Variants in GSE1 observed in about 807,000 individuals in gnomAD.
GSE1 encodes genetic suppressor element 1.
GSE1 carries 32 observed loss-of-function variants against 112.6 expected under a neutral mutation model. That is an observed-to-expected ratio of 0.28 (90% confidence interval 0.21 to 0.38). GSE1 has a LOEUF of 0.38. GSE1 is among the 10% of genes least tolerant of loss of function. The probability of loss-of-function intolerance (pLI) is 1.00; values close to 1 mark genes in which losing one functional copy is unlikely to be tolerated. For synonymous variants in GSE1, 1,115 were observed against 735.6 expected (o/e 1.52, Z -8.35); for missense variants, 2,348 against 1,699.2 (o/e 1.38, Z -6.71).
At chr16:85,611,020 C>T (rs996412067), upstream of GSE1, among the ~76,000 whole-genome samples, 5 of 152,236 alleles carry the variant, frequency 3.3e-5, no homozygotes, top group African/African-American at 1.2e-4. Flanking sequence ...CCACCTTCAC[C>T]CCTGGCCCAA....
chr16:85,601,157 C>T (rs1270211009), intron 1 of GSE1, among the ~76,000 whole-genome samples: 2 of 151,724 alleles, frequency 1.3e-5, no homozygotes, highest in Non-Finnish European at 2.9e-5. Context: ...TGGGGCTGGG[C>T]GAGTCTAGAG....
intron 11 of GSE1, among the ~76,000 whole-genome samples, chr16:85,663,823 C>T (rs1047853316): frequency 1.3e-5 from 2 of 152,244 alleles, no homozygotes; most frequent in Admixed American, 6.5e-5. Context: ...CTCTGAGAGC[C>T]CCACCATCTT....
intron 1 of GSE1, among the ~76,000 whole-genome samples, chr16:85,316,487 C>T (rs9934451): frequency 0.75 from 113,642 of 151,526 alleles, 42,811 homozygotes; most frequent in Middle Eastern, 0.89. Flanking sequence ...CGGGTGTCCT[C>T]TCTGCCCGGT....
intron 2 of GSE1, among the ~76,000 whole-genome samples, chr16:85,637,485 C>T (rs943550208): frequency 4.0e-5 from 6 of 151,046 alleles, no homozygotes; most frequent in African/African-American, 1.5e-4. Flanking sequence ...GCAGCAGTGG[C>T]TATGTATCGA....
At chr16:85,316,790 C>T (rs745362102) in intron 1 of GSE1, among the ~76,000 whole-genome samples, 1 of 152,196 alleles carries the variant, frequency 6.6e-6, no homozygotes, top group African/African-American at 2.4e-5. Context: ...TGGGAGCAGA[C>T]GTCTCCCTGT....
intron 1 of GSE1, among the ~76,000 whole-genome samples, chr16:85,341,198 C>CT (rs77139044): frequency 0.14 from 21,222 of 148,022 alleles, 1,813 homozygotes; most frequent in South Asian, 0.21. Flanking sequence ...CTGTTGTTTA[C>CT]TTTTTTTTTT....
intron 1 of GSE1, among the ~76,000 whole-genome samples, chr16:85,619,410 C>T (rs893462488): frequency 3.7e-5 from 5 of 134,392 alleles, no homozygotes; most frequent in Admixed American, 1.5e-4. Context: ...AGACAGCTTG[C>T]GAGTGGAGGC....
At chr16:85,219,005 G>T (rs560891516) in intron 1 of GSE1, among the ~76,000 whole-genome samples, 1 of 151,902 alleles carries the variant, frequency 6.6e-6, no homozygotes, top group African/African-American at 2.4e-5. Flanking sequence ...TCAGCCTCCC[G>T]AGTAGCTGGG....
chr16:85,352,517 G>A (rs1455575850), intron 1 of GSE1, among the ~76,000 whole-genome samples: 1 of 152,138 alleles, frequency 6.6e-6, no homozygotes, highest in Non-Finnish European at 1.5e-5. Context: ...AGGCACAATA[G>A]TACTTTAAAT....
At chr16:85,437,323 TTACATGTAAA>T (rs1193333111) in intron 2 of GSE1, among the ~76,000 whole-genome samples, 1 of 152,126 alleles carries the variant, frequency 6.6e-6, no homozygotes, top group Non-Finnish European at 1.5e-5. Context: ...GGAGGCCTTT[TTACATGTAAA>T]TAGAAGAACT....
At chr16:85,289,352 C>T (rs1448386930) in intron 1 of GSE1, among the ~76,000 whole-genome samples, 1 of 152,192 alleles carries the variant, frequency 6.6e-6, no homozygotes, top group Admixed American at 6.5e-5. Flanking sequence ...CAAGGACTCA[C>T]CTGTACTGTG....
chr16:85,383,329 C>G (rs1256576376), intron 2 of GSE1, among the ~76,000 whole-genome samples: 1 of 152,026 alleles, frequency 6.6e-6, no homozygotes, highest in Admixed American at 6.5e-5. Flanking sequence ...CCTCAGCACA[C>G]ACACACCGTG....
At chr16:85,665,639 C>T (rs1218496443) in intron 12 of GSE1, among the ~76,000 whole-genome samples, 1 of 152,218 alleles carries the variant, frequency 6.6e-6, no homozygotes, top group Non-Finnish European at 1.5e-5. Context: ...CAGAGGGAAT[C>T]TTTACAGTGC....
Position 85,579,647 on chromosome 16 carries a change from G to A in GSE1, c.37+23284G>A, listed in dbSNP as rs560122734. Among the ~76,000 whole-genome samples the A allele has an allele frequency of 7.2e-5, 11 of 152,254 alleles. No individual in the cohort carries two copies. In the East Asian group the frequency reaches 2.1e-3, roughly 29 times the overall value. Reference sequence around the variant, plus strand: ...GACCCATGAAGGGCTTGTGTTTTTGGTGCGGCCTCCCGTCTCTCTTCCTAG... The same window carrying A: ...GACCCATGAAGGGCTTGTGTTTTTGATGCGGCCTCCCGTCTCTCTTCCTAG... On this transcript the variant is annotated intron_variant, in intron 1 of 2. Transcript: ENST00000635906.
intron 2 of GSE1, among the ~76,000 whole-genome samples, chr16:85,516,884 G>A (rs2051963531): frequency 6.8e-6 from 1 of 147,518 alleles, no homozygotes; most frequent in East Asian, 2.0e-4. Flanking sequence ...TGCAAGCTCC[G>A]CCTCCCGGGT....
At chr16:85,622,045 C>T (rs941101503) in intron 1 of GSE1, among the ~76,000 whole-genome samples, 6 of 152,214 alleles carry the variant, frequency 3.9e-5, no homozygotes, top group African/African-American at 7.2e-5. Context: ...TCTGGAGGGG[C>T]GTGTGTGTGT....
intron 1 of GSE1, among the ~76,000 whole-genome samples, chr16:85,576,129 G>C (rs2046219567): frequency 6.6e-6 from 1 of 152,102 alleles, no homozygotes; most frequent in Non-Finnish European, 1.5e-5. Flanking sequence ...TCTCTCTCTG[G>C]GTAATAGTAT....
At chr16:85,187,152 C>A (rs2143393322) in intron 1 of GSE1, among the ~76,000 whole-genome samples, 1 of 152,320 alleles carries the variant, frequency 6.6e-6, no homozygotes, top group Non-Finnish European at 1.5e-5. Context: ...GACTCAGCTG[C>A]CTGGCAGGCT....
rs1206859053 is a variant in GSE1, at chr16:85,170,381, A to G, written c.857A>G (p.Glu286Gly). The change falls in exon 1 of 3, where the codon GAG (glutamate) becomes GGG (glycine). Residue 286 changes from glutamate to glycine, a missense_variant. By Grantham distance (98) the Glu-to-Gly change is moderately conservative (BLOSUM62 -2). Coordinates refer to the GSE1 transcript ENST00000637419. ...CCCTGGCAAGGCCCTCTTGTCCAAG[A>G]GGCCCCTGCAGACGGCATGAAAGGG... is the stretch of plus-strand genomic sequence containing the variant. 4.1e-6 allele frequency: 4 copies of G among 985,344 alleles called. No homozygotes were observed. The East Asian group carries it at 4.6e-4, about 112-fold the overall frequency. The allele number at this position is 985,344 out of a possible 1,614,324, so 61.0% of individuals were successfully genotyped here.
Sources: gnomAD v4.1 joint callset for allele counts (sites outside exome capture counted in the v4.1 genomes callset) on GRCh38, gnomAD v4.1.1 for gene constraint, MANE v1.5 for transcripts, NCBI Gene and HGNC (gene_info 2026-07-23, HGNC 2026-07-21) for gene names.